Variants in CASZ1 observed in about 807,000 individuals in gnomAD.
The protein encoded by CASZ1 is zinc finger protein castor homolog 1.
CASZ1 carries 28 observed loss-of-function variants against 135.2 expected under a neutral mutation model. That is an observed-to-expected ratio of 0.21 (90% CI 0.15 to 0.28). The LOEUF (loss-of-function observed/expected upper bound fraction) is 0.28. Ranked by LOEUF, CASZ1 falls within the 10% of genes least tolerant of loss-of-function variation. The probability of loss-of-function intolerance (pLI) is 1.00; values close to 1 mark genes in which losing one functional copy is unlikely to be tolerated. For synonymous variants in CASZ1, 1,068 were observed against 1,073.4 expected (o/e 0.99, Z 0.10); for missense variants, 2,161 against 2,453.3 (o/e 0.88, Z 2.52).
intron 2 of CASZ1, among the ~76,000 whole-genome samples, chr1:10,742,195 G>T (rs4845954): frequency 6.6e-6 from 1 of 152,134 alleles, no homozygotes; most frequent in Non-Finnish European, 1.5e-5. Flanking sequence ...CCGCTTTTCA[G>T]AAAGCAAGAA....
chr1:10,773,494 G>A (rs903647290), intron 1 of CASZ1, among the ~76,000 whole-genome samples: 1 of 152,094 alleles, frequency 6.6e-6, no homozygotes, highest in Admixed American at 6.5e-5. Context: ...CAGGACAGTG[G>A]GACCCGGGAA....
At chr1:10,780,800 C>G (rs1273126619) in intron 1 of CASZ1, among the ~76,000 whole-genome samples, 1 of 152,154 alleles carries the variant, frequency 6.6e-6, no homozygotes, top group Non-Finnish European at 1.5e-5. Flanking sequence ...GCTGAGTGAA[C>G]TCAGGTAAGT....
intron 1 of CASZ1, among the ~76,000 whole-genome samples, chr1:10,786,000 G>A (rs1001476406): frequency 2.6e-5 from 4 of 152,188 alleles, no homozygotes; most frequent in Admixed American, 6.5e-5. Flanking sequence ...AACACAATTC[G>A]CCTTCAGCTC....
Position 10,666,672 on chromosome 1 carries a change from G to A in CASZ1, c.17-1101C>T, listed in dbSNP as rs1355951810. On this transcript the variant is annotated intron_variant, in intron 4 of 20. Coordinates refer to ENST00000377022, the MANE Select transcript of CASZ1 (RefSeq NM_001079843.3). This position sits in a 1 kb window ranked among gnomAD's most constrained non-coding sequence, Gnocchi z 5.2. The stretch of plus-strand genomic sequence containing the variant: ...CTTGAGAGCCAGCGACCTCCCTCGC[G>A]GCCGCATAGCCCAAACTCTGTCCCT... Among the ~76,000 whole-genome samples, 2 of 152,140 alleles carry A rather than the reference G, an allele frequency of 1.3e-5. No individual in the cohort carries two copies. The highest frequency in any genetic ancestry group is 2.1e-4 in the South Asian group (1 of 4,836).
Position 10,640,016 on chromosome 1 carries a change from G to A in CASZ1, c.4206C>T (p.Arg1402=), listed in dbSNP as rs778426739. 6.2e-7 allele frequency: 1 copy of A among 1,611,520 alleles called. No homozygotes were observed. Among genetic ancestry groups the A allele is most frequent in the South Asian group, 1.1e-5 (1 of 91,088 alleles). Reference sequence around the variant, plus strand: ...GCGACATGTCCTCGATGATCCAGAAGCGCTTTTTGGCCCCCGAGGCTGTCG... The same window carrying A: ...GCGACATGTCCTCGATGATCCAGAAACGCTTTTTGGCCCCCGAGGCTGTCG... ...SMPTASGAKK[R]FWIIEDMSPF... is the part of the protein sequence containing the mutation. Residue 1402 remains arginine, a synonymous_variant, in exon 21 of 21, where the codon CGC becomes CGT. Coordinates refer to ENST00000377022, the MANE Select transcript of CASZ1 (RefSeq NM_001079843.3).
At chr1:10,729,286 G>C (rs1639659826) in intron 2 of CASZ1, among the ~76,000 whole-genome samples, 1 of 152,194 alleles carries the variant, frequency 6.6e-6, no homozygotes, top group African/African-American at 2.4e-5. Context: ...GGGCTTCCTG[G>C]GGGAGGAGGA....
intron 1 of CASZ1, among the ~76,000 whole-genome samples, chr1:10,768,682 G>A (rs113894561): frequency 6.6e-6 from 1 of 152,190 alleles, no homozygotes; most frequent in Non-Finnish European, 1.5e-5. Flanking sequence ...GGGAAGCAGA[G>A]CCCTGGCATC....
At chr1:10,658,089 T>C in intron 7 of CASZ1, 1 of 167,898 alleles carries the variant, frequency 6.0e-6, no homozygotes, top group Non-Finnish European at 1.3e-5. Flanking sequence ...CATCTTGGCC[T>C]CCCACAGTGC....
At chr1:10,660,622 G>A in intron 5 of CASZ1, 86 bp from the exon 6 acceptor site, 1 of 1,109,232 alleles carries the variant, frequency 9.0e-7, no homozygotes, top group Non-Finnish European at 1.3e-6. Context: ...CACCCATAGA[G>A]GGAGGGGGTC....
rs1639056688 is a variant in CASZ1, at chr1:10,701,377, C to T, written c.-24+4115G>A. Among the ~76,000 whole-genome samples, 1 of 152,240 alleles carries T rather than the reference C, an allele frequency of 6.6e-6. No homozygotes were observed. The highest frequency in any genetic ancestry group is 3.2e-3 in the Middle Eastern group (1 of 316). The stretch of plus-strand genomic sequence containing the variant: ...TAGTTACAGGGTTATTTAGCTTCTC[C>T]TGATGCTGACAATCACAAACTTTAA... On this transcript the variant is annotated intron_variant, in intron 3 of 20. Transcript: ENST00000377022. This position sits in a 1 kb window ranked among gnomAD's most constrained non-coding sequence, Gnocchi z 6.3.
At chr1:10,692,447 T>G in intron 4 of CASZ1, among the ~76,000 whole-genome samples, 1 of 145,912 alleles carries the variant, frequency 6.9e-6, no homozygotes, top group African/African-American at 2.7e-5. Flanking sequence ...AGGGAGGTGA[T>G]GAGACACCGA....
At chr1:10,650,881 G>C in intron 12 of CASZ1, 60 bp downstream of exon 12, 1 of 1,605,584 alleles carries the variant, frequency 6.2e-7, no homozygotes, top group Non-Finnish European at 8.5e-7. Flanking sequence ...GGACCACCCC[G>C]GGGCTCCAGC....
At chr1:10,784,971 G>A (rs933356852) in intron 1 of CASZ1, among the ~76,000 whole-genome samples, 4 of 152,048 alleles carry the variant, frequency 2.6e-5, no homozygotes, top group African/African-American at 7.2e-5. Context: ...GCTCCTTCAC[G>A]GCCTTTCAAA....
chr1:10,795,814 C>T (rs1641056823), intron 1 of CASZ1, among the ~76,000 whole-genome samples: 1 of 152,160 alleles, frequency 6.6e-6, no homozygotes, highest in Admixed American at 6.5e-5. Flanking sequence ...GCCGCTCCCC[C>T]CATCTAAGAA....
chr1:10,785,056 T>C (rs1355429890), intron 1 of CASZ1, among the ~76,000 whole-genome samples: 1 of 42,378 alleles, frequency 2.4e-5, no homozygotes, highest in Non-Finnish European at 6.2e-5. Flanking sequence ...GCTTTCTTTC[T>C]GTCTCTCTCT....
At chr1:10,669,791 G>T (rs1233499008) in intron 4 of CASZ1, among the ~76,000 whole-genome samples, 1 of 152,040 alleles carries the variant, frequency 6.6e-6, no homozygotes. Flanking sequence ...GTCCCAGGGG[G>T]CCGGGCAGGC....
In CASZ1 at chr1:10,640,012, A is replaced by C. The variant is rs1642147284; in HGVS notation, c.4210T>G (p.Trp1404Gly). The change falls in exon 21 of 21, where the codon TGG becomes GGG. Residue 1404 changes from tryptophan (W) to glycine (G), a missense_variant. This residue lies in a region of CASZ1 where 143 missense variants were observed against 128.3 expected (regional missense o/e 1.11). Transcript: ENST00000377022. ...PTASGAKKRF[W>G]IIEDMSPFGK... ...AAGGGCGACATGTCCTCGATGATCC[A>C]GAAGCGCTTTTTGGCCCCCGAGGCT... 1 of 1,611,998 alleles carries C rather than the reference A, an allele frequency of 6.2e-7. No homozygotes were observed. The highest frequency in any genetic ancestry group is 8.5e-7 in the Non-Finnish European group (1 of 1,179,964).
At chr1:10,733,830 C>T (rs1050731621) in intron 2 of CASZ1, among the ~76,000 whole-genome samples, 4 of 152,120 alleles carry the variant, frequency 2.6e-5, no homozygotes, top group African/African-American at 9.7e-5. Context: ...GCCTTGGCCC[C>T]CTCTTCTATA....
At chr1:10,789,767 C>T (rs1045169227) in intron 1 of CASZ1, among the ~76,000 whole-genome samples, 1 of 152,178 alleles carries the variant, frequency 6.6e-6, no homozygotes, top group African/African-American at 2.4e-5. Context: ...AAAAAAACTC[C>T]CCCTTCCCTT....
Sources: gnomAD v4.1 joint callset for allele counts (sites outside exome capture counted in the v4.1 genomes callset) on GRCh38, gnomAD v4.1.1 for gene constraint, gnomAD v4.1.1 regional missense constraint, Gnocchi (gnomAD v3.1) non-coding constraint, MANE v1.5 for transcripts, NCBI Gene and HGNC (gene_info 2026-07-23, HGNC 2026-07-21) for gene names.